The following FAM13A variants were observed in gnomAD, a reference collection of about 807,000 sequenced individuals.
FAM13A encodes the protein protein FAM13A.
FAM13A carries 76 observed loss-of-function variants against 129.6 expected under a neutral mutation model. The ratio of observed to expected loss-of-function variants is 0.59; its 90% confidence interval spans 0.49 to 0.71. The LOEUF (loss-of-function observed/expected upper bound fraction) is 0.71. FAM13A is among the 30% of genes least tolerant of loss of function. The probability of loss-of-function intolerance (pLI) is 0.00; values close to 1 mark genes in which losing one functional copy is unlikely to be tolerated. For missense variants in FAM13A, 1,108 were observed against 1,249.3 expected, an observed-to-expected ratio of 0.89 and a Z score of 1.70; for synonymous variants, 443 against 449.9, an observed-to-expected ratio of 0.98 and a Z score of 0.20.
In FAM13A at chr4:88,947,365, C is replaced by T. The variant is rs190895562; in HGVS notation, c.606-9124G>A. 4.5e-3 allele frequency among the ~76,000 whole-genome samples: 689 copies of T among 152,248 alleles called. 6 individuals are homozygous for T. Among genetic ancestry groups the T allele is most frequent in the African/African-American group, 0.015 (632 of 41,540 alleles). On this transcript the variant is annotated intron_variant, in intron 4 of 23. Coordinates refer to ENST00000264344, the MANE Select transcript of FAM13A (RefSeq NM_014883.4). Reference sequence around the variant, plus strand: ...GGCAGACTGCAGTGAGCTATGATCGCGCCACTGCATTCTAACTTGGGTGAC... The same window carrying T: ...GGCAGACTGCAGTGAGCTATGATCGTGCCACTGCATTCTAACTTGGGTGAC...
chr4:88,729,052 C>T (rs1425707915), intron 23 of FAM13A: 3 of 138,972 alleles, frequency 2.2e-5, no homozygotes, highest in Admixed American at 1.4e-4. Flanking sequence ...AACTGGTCCA[C>T]AACTTAGTTT....
In FAM13A at chr4:89,057,164, G is replaced by GCT. The variant is rs768140571; in HGVS notation, c.-202_-201dup. On this transcript the variant is annotated 5_prime_UTR_variant, in exon 1 of 24. Transcript: ENST00000264344. ...CTTCTCTTTCCGCTGAACCCACATG[G>GCT]CTGGAAGGACTGCCTGGAGTTGAAA... 25 of 1,423,034 alleles carry GCT rather than the reference G, an allele frequency of 1.8e-5. No homozygotes were observed. The highest frequency in any genetic ancestry group is 2.3e-5 in the Non-Finnish European group (25 of 1,090,164). The allele number at this position is 1,423,034 out of a possible 1,614,324, so 88.2% of individuals were successfully genotyped here.
chr4:88,831,310 T>G (rs1362461898), intron 7 of FAM13A, among the ~76,000 whole-genome samples: 2 of 152,226 alleles, frequency 1.3e-5, no homozygotes, highest in Non-Finnish European at 2.9e-5. Context: ...TGAGATCAGC[T>G]GCCTTAAATT....
intron 3 of FAM13A, among the ~76,000 whole-genome samples, chr4:89,015,391 G>A (rs995373422): frequency 1.3e-5 from 2 of 152,072 alleles, no homozygotes; most frequent in African/African-American, 4.8e-5. Flanking sequence ...CGGCTTGCGG[G>A]GGCATCACGG....
chr4:88,936,978 T>TA (rs1753956473), intron 5 of FAM13A: 1 of 152,144 alleles, frequency 6.6e-6, no homozygotes, highest in African/African-American at 2.4e-5. Context: ...TTTTTCTATT[T>TA]AAAAAATCAT....
At chr4:88,922,264 C>T (rs1751247117) in intron 5 of FAM13A, among the ~76,000 whole-genome samples, 1 of 151,948 alleles carries the variant, frequency 6.6e-6, no homozygotes. Flanking sequence ...TTCAGCACCA[C>T]ACCACACCTA....
intron 3 of FAM13A, among the ~76,000 whole-genome samples, chr4:88,996,580 T>C (rs1330599539): frequency 1.3e-5 from 2 of 152,088 alleles, no homozygotes; most frequent in Non-Finnish European, 2.9e-5. Context: ...AAACAGAAAA[T>C]GCCTACCCTC....
intron 16 of FAM13A, 71 bp downstream of exon 16, chr4:88,749,700 T>C (rs1353104516): frequency 7.2e-6 from 11 of 1,535,898 alleles, no homozygotes; most frequent in South Asian, 1.2e-5. Context: ...CGTCGTTTCT[T>C]TGAGTTGCTG....
intron 17 of FAM13A, among the ~76,000 whole-genome samples, chr4:88,748,282 T>C (rs890406056): frequency 5.3e-5 from 8 of 152,196 alleles, no homozygotes; most frequent in Admixed American, 2.0e-4. Flanking sequence ...CTAGTTACAG[T>C]ATCAGTAGAA....
At chr4:88,728,740 G>A (rs1736909789) in intron 23 of FAM13A, 81 bp from the exon 24 acceptor site, 9 of 1,527,994 alleles carry the variant, frequency 5.9e-6, no homozygotes, top group Non-Finnish European at 8.1e-6. Flanking sequence ...AATTATCATT[G>A]TTTAGAAACT....
rs1024698392 is a variant in FAM13A, at chr4:88,727,059, T to TTTTTC, written c.*1469_*1473dup. On this transcript the variant is annotated 3_prime_UTR_variant, in exon 24 of 24. Coordinates refer to ENST00000264344, the MANE Select transcript of FAM13A (RefSeq NM_014883.4). ...AACGGGTCAGTATAGTTTTACATTC[T>TTTTTC]TTTTCTTTTCCTTAAAACTGTGCCC... The TTTTTC allele has an allele frequency of 2.6e-5, 4 of 152,272 alleles. No individual in the cohort carries two copies. Among genetic ancestry groups the TTTTTC allele is most frequent in the African/African-American group, 9.6e-5 (4 of 41,458 alleles). The allele number at this position is 152,272 out of a possible 1,614,324, so 9.4% of individuals were successfully genotyped here.
chr4:88,972,845 T>A (rs1760318979), intron 4 of FAM13A, among the ~76,000 whole-genome samples: 1 of 152,172 alleles, frequency 6.6e-6, no homozygotes, highest in Non-Finnish European at 1.5e-5. Flanking sequence ...TGACTTCAGG[T>A]GATCCACCTG....
intron 4 of FAM13A, among the ~76,000 whole-genome samples, chr4:88,949,980 T>C (rs537676288): frequency 7.9e-5 from 12 of 152,314 alleles, no homozygotes; most frequent in East Asian, 5.8e-4. Flanking sequence ...TTTGGATACG[T>C]TGGAAAAATT....
At chr4:88,988,599 A>G (rs1162801515) in intron 4 of FAM13A, among the ~76,000 whole-genome samples, 1 of 152,220 alleles carries the variant, frequency 6.6e-6, no homozygotes, top group Non-Finnish European at 1.5e-5. Flanking sequence ...TATAATCATT[A>G]TGCTCCTTCA....
intron 4 of FAM13A, among the ~76,000 whole-genome samples, chr4:88,962,243 A>G (rs79849354): frequency 0.061 from 9,290 of 152,246 alleles, 405 homozygotes; most frequent in South Asian, 0.23. Context: ...ATGTTATCAC[A>G]TTAGTAGAGA....
intron 4 of FAM13A, among the ~76,000 whole-genome samples, chr4:88,980,622 G>C (rs1429943676): frequency 1.3e-5 from 2 of 152,062 alleles, no homozygotes; most frequent in Middle Eastern, 3.2e-3. Flanking sequence ...GGAAAAATTT[G>C]CATTTTATAA....
intron 7 of FAM13A, among the ~76,000 whole-genome samples, chr4:88,809,859 C>A (rs545827354): frequency 1.3e-5 from 2 of 149,976 alleles, no homozygotes; most frequent in South Asian, 2.1e-4. Flanking sequence ...AAAAAAAAGT[C>A]CCGGTGGGCT....
intron 6 of FAM13A, among the ~76,000 whole-genome samples, chr4:88,880,487 G>A (rs764815437): frequency 1.5e-4 from 23 of 152,000 alleles, no homozygotes; most frequent in Non-Finnish European, 3.2e-4. Context: ...GGGGTCCTTG[G>A]GCAGGACTGC....
intron 7 of FAM13A, among the ~76,000 whole-genome samples, chr4:88,848,852 T>C (rs1006493090): frequency 6.6e-6 from 1 of 152,196 alleles, no homozygotes; most frequent in African/African-American, 2.4e-5. Context: ...CACCTTTACC[T>C]TCCCCTACAT....
Sources: allele counts gnomAD v4.1 joint callset (sites outside exome capture counted in the v4.1 genomes callset), GRCh38; gene constraint gnomAD v4.1.1; transcripts MANE v1.5; gene names NCBI Gene and HGNC (gene_info 2026-07-23, HGNC 2026-07-21).